MYH2: variants seen among roughly 807,000 people sequenced by gnomAD.
MYH2 encodes myosin-2.
Under a neutral mutation model 228.1 loss-of-function variants are expected in MYH2, and 139 were observed. The observed-to-expected ratio is 0.61, with a 90% CI of 0.53 to 0.70. The LOEUF is 0.70. MYH2 is among the 30% of genes least tolerant of loss of function. The pLI, the probability that MYH2 is intolerant of heterozygous loss-of-function variation, is 0.00. For missense variants in MYH2, 1,809 were observed against 2,357.5 expected, an observed-to-expected ratio of 0.77 and a Z score of 4.82; for synonymous variants, 796 against 871.1, an observed-to-expected ratio of 0.91 and a Z score of 1.52.
chr17:10,539,046 G>T (rs1007467270), intron 14 of MYH2, among the ~76,000 whole-genome samples, 159 bp downstream of exon 14: 1 of 152,202 alleles, frequency 6.6e-6, no homozygotes, highest in Non-Finnish European at 1.5e-5. Flanking sequence ...TTTTATAGAA[G>T]TGGAATTGGT....
At chr17:10,547,453 A>T (rs767424140) in intron 4 of MYH2, 22 bp downstream of exon 4, 2 of 1,613,938 alleles carry the variant, frequency 1.2e-6, no homozygotes, top group Non-Finnish European at 8.5e-7. Context: ...GATTATACAG[A>T]GCACTGGCAG....
At chr17:10,543,289 A>G (rs911319831) in intron 8 of MYH2, 128 bp from the exon 9 acceptor site, 5 of 708,040 alleles carry the variant, frequency 7.1e-6, no homozygotes, top group African/African-American at 1.8e-5. Context: ...AGGTAGAAAA[A>G]GGTGTATCTC....
chr17:10,540,139 T>C, intron 11 of MYH2, 73 bp from the exon 12 acceptor site: 2 of 1,598,458 alleles, frequency 1.3e-6, no homozygotes, highest in Admixed American at 1.7e-5. Flanking sequence ...CACATTCCCA[T>C]TGCTGGCCTG....
At position 10,547,698 on chromosome 17, in the gene MYH2, C is replaced by G; in HGVS notation, c.204+19G>C. ...ACAAAAATCAATAAAATGTGGCAAG[C>G]TCCTGGGATTCTACTCACCGCTCCT... On this transcript the variant is annotated intron_variant, in intron 3 of 39. Coordinates refer to ENST00000245503, the MANE Select transcript of MYH2 (RefSeq NM_017534.6). 1 of 1,614,140 alleles carries G rather than the reference C, an allele frequency of 6.2e-7. No individual in the cohort carries two copies. Among genetic ancestry groups the G allele is most frequent in the Non-Finnish European group, 8.5e-7 (1 of 1,180,002 alleles).
In MYH2 at chr17:10,527,771, C is replaced by A. The variant is rs2073371857; in HGVS notation, c.3848G>T (p.Arg1283Met). 1 of 1,614,152 alleles carries A rather than the reference C, an allele frequency of 6.2e-7. No homozygotes were observed. The highest frequency in any genetic ancestry group is 8.5e-7 in the Non-Finnish European group (1 of 1,180,030). The change falls in exon 28 of 40, where the codon AGG (arginine) becomes ATG (methionine). Residue 1283 changes from arginine (R) to methionine (M), a missense_variant. Arg to Met is a moderately conservative substitution (Grantham distance 91). Around this residue, in one of 9 missense-constraint regions of MYH2, gnomAD observed 636 missense variants for 729.9 expected, o/e 0.87. Transcript: ENST00000245503. The stretch of plus-strand genomic sequence containing the variant: ...ACCAGATTCAGTCTGCAGGCGCCCC[C>A]TCTGCGCAGTCAGGTCATTGATCAG... ...QRLINDLTAQ[R>M]GRLQTESGEF...
At chr17:10,547,418 G>A in intron 4 of MYH2, 57 bp downstream of exon 4, 1 of 1,602,880 alleles carries the variant, frequency 6.2e-7, no homozygotes, top group Non-Finnish European at 8.5e-7. Flanking sequence ...AGTGGAAGAA[G>A]CAGGATGGTA....
intron 7 of MYH2, 39 bp downstream of exon 7, chr17:10,543,863 C>G (rs984119392): frequency 1.9e-6 from 3 of 1,613,914 alleles, no homozygotes; most frequent in Non-Finnish European, 2.5e-6. Flanking sequence ...CTGAGAGTCC[C>G]GACAGAGTCT....
rs551781212 is a variant in MYH2, at chr17:10,525,130, C to T, written c.4663-65G>A. ...AGCTTTATGAAGTTTTTCTGCACAG[C>T]AATAATTTTGTGCTATGTGTCTTTT... On this transcript the variant is annotated intron_variant, in intron 33 of 39. Transcript: ENST00000245503. The surrounding 1 kb of genome is among the most constrained non-coding windows in gnomAD (Gnocchi z 4.2). The T allele has an allele frequency of 4.3e-5, 69 of 1,613,808 alleles. No individual in the cohort carries two copies. The highest frequency in any genetic ancestry group is 5.6e-5 in the Non-Finnish European group (66 of 1,179,840).
In MYH2 at chr17:10,539,821, T is replaced by C. The variant is rs1450485117; in HGVS notation, c.1147+107A>G. 1.2e-5 allele frequency: 18 copies of C among 1,505,008 alleles called. No individual in the cohort carries two copies. In the South Asian group the frequency reaches 2.0e-4, roughly 17 times the overall value. The allele number at this position is 1,505,008 out of a possible 1,614,324, so 93.2% of individuals were successfully genotyped here. ...TTTAGGTATACAGATACTTTAAAACTTAATTCTTAAAAGTGAATTTACCTT... is the reference window on the plus strand; with the variant it reads ...TTTAGGTATACAGATACTTTAAAACCTAATTCTTAAAAGTGAATTTACCTT... On this transcript the variant is annotated intron_variant, in intron 12 of 39. Coordinates refer to ENST00000245503, the MANE Select transcript of MYH2 (RefSeq NM_017534.6).
At position 10,529,263 on chromosome 17, in the gene MYH2, A is replaced by G. The variant is rs1291342677; in HGVS notation, c.3264-11T>C. On this transcript the variant is annotated splice_polypyrimidine_tract_variant and intron_variant, in intron 25 of 39. Transcript: ENST00000245503. ...ATTTCAAACTCTTTCCTTTTAGAAA[A>G]GTAGCAAAGGACAACAATTTAGTCC... 4 of 1,614,210 alleles carry G rather than the reference A, an allele frequency of 2.5e-6. No individual in the cohort carries two copies. The highest frequency in any genetic ancestry group is 3.4e-6 in the Non-Finnish European group (4 of 1,180,050).
Position 10,529,572 on chromosome 17 carries a change from C to G in MYH2, c.3109G>C (p.Val1037Leu), listed in dbSNP as rs2073399225. 6.2e-7 allele frequency: 1 copy of G among 1,614,082 alleles called. No homozygotes were observed. Among genetic ancestry groups the G allele is most frequent in the African/African-American group, 1.3e-5 (1 of 74,924 alleles). ...TKAKIKLEQQ[V>L]DDLEGSLEQE... ...GATGATACCAGACTTACATCATCCA[C>G]TTGTTGTTCAAGTTTGATTTTAGCT... Residue 1037 changes from valine (V) to leucine (L), a missense_variant, in exon 24 of 40, where the codon GTG becomes CTG. By Grantham distance (32) the Val-to-Leu change is conservative. This residue lies in a region of MYH2 where 636 missense variants were observed against 729.9 expected (regional missense o/e 0.87). Coordinates refer to ENST00000245503, the MANE Select transcript of MYH2 (RefSeq NM_017534.6).
At chr17:10,541,902 G>A (rs1567735868) in intron 10 of MYH2, among the ~76,000 whole-genome samples, 1 of 152,172 alleles carries the variant, frequency 6.6e-6, no homozygotes, top group South Asian at 2.1e-4. Context: ...ATGGGCACTG[G>A]AGAGGCGTTT....
rs562803081 is a variant in MYH2 at position 10,523,664 on chromosome 17, G to A, written c.5304C>T (p.Ala1768=). ...TCTTCAGCTCCTCAGCCATCATGGC[G>A]GCCTAAATAGCAAATAAATCAAGAA... ...EEKAKKAITD[A]AMMAEELKKE... Residue 1768 remains alanine, a splice_region_variant and synonymous_variant, in exon 37 of 40, where the codon GCC becomes GCT. Transcript: ENST00000245503. The A allele has an allele frequency of 1.7e-5, 28 of 1,614,128 alleles. No individual in the cohort carries two copies. Among genetic ancestry groups the A allele is most frequent in the Admixed American group, 6.7e-5 (4 of 59,998 alleles).
At chr17:10,545,744 T>A (rs2073621335) in intron 4 of MYH2, among the ~76,000 whole-genome samples, 1 of 152,080 alleles carries the variant, frequency 6.6e-6, no homozygotes, top group Non-Finnish European at 1.5e-5. Flanking sequence ...TTGTACGTGC[T>A]TTTTGTAGAG....
At position 10,529,710 on chromosome 17, in the gene MYH2, G is replaced by A; in HGVS notation, c.2971C>T (p.Leu991=). The change falls in exon 24 of 40, where the codon CTG becomes TTG. Residue 991 remains leucine, a synonymous_variant. Transcript: ENST00000245503. ...GTCAGCTTAGCAATGGTTTCATCCA[G>A]ACCTGCCATCTCTTCTGTGAGGTTT... ...VKNLTEEMAG[L]DETIAKLTKE... 6.2e-7 allele frequency: 1 copy of A among 1,613,974 alleles called. No homozygotes were observed. Among genetic ancestry groups the A allele is most frequent in the Non-Finnish European group, 8.5e-7 (1 of 1,180,032 alleles).
rs773655975 is a variant in MYH2, at chr17:10,540,618, A to T, written c.984T>A (p.Asp328Glu). The T allele has an allele frequency of 6.2e-7, 1 of 1,613,216 alleles. No individual in the cohort carries two copies. Among genetic ancestry groups the T allele is most frequent in the Non-Finnish European group, 8.5e-7 (1 of 1,179,188 alleles). The change falls in exon 11 of 40, where the codon GAT becomes GAA. Residue 328 changes from aspartate to glutamate, a missense_variant. By Grantham distance (45) the Asp-to-Glu change is conservative. Around this residue, in one of 9 missense-constraint regions of MYH2, gnomAD observed 373 missense variants for 620.4 expected, o/e 0.60. Transcript: ENST00000245503. The stretch of plus-strand genomic sequence containing the variant: ...CATCTGTGGCCATCAGTTCTTCCTG[A>T]TCATCGATGCTGGCCACACTGATCT... ...QGEISVASID[D>E]QEELMATDSA...
rs757849668 is a variant in MYH2, at chr17:10,537,568, T to C, written c.1588-26A>G. On this transcript the variant is annotated intron_variant, in intron 15 of 39. Coordinates refer to ENST00000245503, the MANE Select transcript of MYH2 (RefSeq NM_017534.6). The surrounding 1 kb of genome is among the most constrained non-coding windows in gnomAD (Gnocchi z 4.0). ...CTAAAAAGCAGACCACAACACAAAATTGTACTTCTATTTTTTTTTCTGTCT... is the reference window on the plus strand; with the variant it reads ...CTAAAAAGCAGACCACAACACAAAACTGTACTTCTATTTTTTTTTCTGTCT... 3 of 1,614,024 alleles carry C rather than the reference T, an allele frequency of 1.9e-6. No homozygotes were observed. The highest frequency in any genetic ancestry group is 2.2e-5 in the East Asian group (1 of 44,880).
chr17:10,540,497 T>C, intron 11 of MYH2, 97 bp downstream of exon 11: 1 of 1,067,700 alleles, frequency 9.4e-7, no homozygotes, highest in Non-Finnish European at 1.4e-6. Context: ...CATCCTGGAA[T>C]CTTCTTTTGC....
At chr17:10,531,558 C>T (rs2073423612) in intron 22 of MYH2, 75 bp downstream of exon 22, 6 of 1,601,286 alleles carry the variant, frequency 3.7e-6, no homozygotes, top group Admixed American at 1.7e-5. Context: ...AATTACCCAA[C>T]TCATGGCCCA....
Sources: allele counts gnomAD v4.1 joint callset (sites outside exome capture counted in the v4.1 genomes callset), GRCh38; gene constraint gnomAD v4.1.1; regional missense constraint gnomAD v4.1.1; non-coding constraint Gnocchi (gnomAD v3.1); transcripts MANE v1.5; gene names NCBI Gene and HGNC (gene_info 2026-07-23, HGNC 2026-07-21).